Variants in SPTLC1 observed in about 807,000 individuals in gnomAD.
SPTLC1 encodes serine palmitoyltransferase long chain base subunit 1.
In SPTLC1, 55 loss-of-function variants were observed where a neutral mutation model predicts 68.9. The ratio of observed to expected loss-of-function variants is 0.80; its 90% CI spans 0.64 to 1.00. The LOEUF (loss-of-function observed/expected upper bound fraction) is 1.00. Among genes scored for constraint, SPTLC1 ranks in the 50% least tolerant of loss-of-function variants. SPTLC1 has a pLI of 0.00. For missense variants in SPTLC1, 449 were observed against 573.1 expected, an observed-to-expected ratio of 0.78 and a Z score of 2.21; for synonymous variants, 197 against 201.6, an observed-to-expected ratio of 0.98 and a Z score of 0.19.
At chr9:92,054,254 C>A (rs1008774126) in intron 8 of SPTLC1, among the ~76,000 whole-genome samples, 1 of 152,138 alleles carries the variant, frequency 6.6e-6, no homozygotes, top group Non-Finnish European at 1.5e-5. Flanking sequence ...GCACTCCAGC[C>A]TGGGCAACAT....
Position 92,114,383 on chromosome 9 carries a change from C to A in SPTLC1, c.57+931G>T, listed in dbSNP as rs183030062. ...AACACTAAGATTGACATTCTGGTTT[C>A]TTATTATCTTATGTATCTGAAATAA... On this transcript the variant is annotated intron_variant, in intron 1 of 14. Coordinates refer to ENST00000262554, the MANE Select transcript of SPTLC1 (RefSeq NM_006415.4). Among the ~76,000 whole-genome samples the A allele has an allele frequency of 3.0e-3, 455 of 152,304 alleles. 5 individuals carry two copies. Among genetic ancestry groups the A allele is most frequent in the African/African-American group, 0.011 (440 of 41,572 alleles).
intron 3 of SPTLC1, among the ~76,000 whole-genome samples, chr9:92,089,849 C>G (rs1835290923): frequency 6.6e-6 from 1 of 152,142 alleles, no homozygotes; most frequent in Non-Finnish European, 1.5e-5. Flanking sequence ...GTGAAAGCCA[C>G]TAGAAAAAAC....
chr9:92,052,690 C>T (rs10992214), intron 8 of SPTLC1, among the ~76,000 whole-genome samples: 209 of 151,954 alleles, frequency 1.4e-3, no homozygotes, highest in Non-Finnish European at 2.6e-3. Flanking sequence ...CCACCACACC[C>T]GGCTAATTTT....
chr9:92,110,050 T>G (rs1836168930), intron 2 of SPTLC1: 1 of 152,246 alleles, frequency 6.6e-6, no homozygotes, highest in Non-Finnish European at 1.5e-5. Flanking sequence ...ACTTTGTAGA[T>G]GTCGTATGAC....
At chr9:92,040,362 C>A (rs1487238223) in intron 12 of SPTLC1, among the ~76,000 whole-genome samples, 1 of 151,698 alleles carries the variant, frequency 6.6e-6, no homozygotes, top group East Asian at 1.9e-4. Context: ...AAAAGCAAGA[C>A]TCTGTCTCAA....
chr9:92,079,688 G>A (rs1435426903), intron 5 of SPTLC1: 21 of 876,950 alleles, frequency 2.4e-5, no homozygotes, highest in Admixed American at 8.6e-5. Context: ...CAGGGGTTCC[G>A]CTCTCATCAG....
chr9:92,040,021 C>T (rs1251062272), intron 12 of SPTLC1, among the ~76,000 whole-genome samples: 4 of 152,170 alleles, frequency 2.6e-5, no homozygotes, highest in Non-Finnish European at 4.4e-5. Context: ...CCATGTTAAA[C>T]GCATATATCA....
intron 3 of SPTLC1, among the ~76,000 whole-genome samples, chr9:92,089,214 C>G (rs986715912): frequency 6.6e-6 from 1 of 152,144 alleles, no homozygotes; most frequent in Non-Finnish European, 1.5e-5. Context: ...AGTTCAAGAC[C>G]AGCCTGACCA....
chr9:92,079,787 A>G, intron 5 of SPTLC1: 2 of 649,216 alleles, frequency 3.1e-6, no homozygotes, highest in Non-Finnish European at 5.5e-6. Flanking sequence ...ATCCCCACAC[A>G]TGCACACGAG....
At chr9:92,096,543 C>G (rs1207273691) in intron 3 of SPTLC1, among the ~76,000 whole-genome samples, 2 of 152,120 alleles carry the variant, frequency 1.3e-5, no homozygotes, top group African/African-American at 4.8e-5. Flanking sequence ...ATAGACCATC[C>G]TTACATTTAT....
At chr9:92,099,795 T>C (rs968906819) in intron 3 of SPTLC1, among the ~76,000 whole-genome samples, 23 of 152,300 alleles carry the variant, frequency 1.5e-4, no homozygotes, top group Non-Finnish European at 2.9e-4. Flanking sequence ...TTGTACCTTC[T>C]CTATACTTAA....
intron 3 of SPTLC1, among the ~76,000 whole-genome samples, chr9:92,095,336 G>A (rs1835492780): frequency 6.6e-6 from 1 of 152,150 alleles, no homozygotes; most frequent in Non-Finnish European, 1.5e-5. Context: ...AAATTAGGCA[G>A]GCATATATCA....
chr9:92,076,900 A>C (rs138229546), intron 5 of SPTLC1: 1 of 152,180 alleles, frequency 6.6e-6, no homozygotes, highest in Non-Finnish European at 1.5e-5. Context: ...TCTAACAGAC[A>C]TAATTCCCCG....
At chr9:92,086,827 C>T (rs1446664719) in intron 3 of SPTLC1, among the ~76,000 whole-genome samples, 1 of 152,048 alleles carries the variant, frequency 6.6e-6, no homozygotes, top group Admixed American at 6.6e-5. Context: ...GGATAATATC[C>T]TGCAGAGTGT....
At chr9:92,061,343 C>T (rs1209534678) in intron 6 of SPTLC1, among the ~76,000 whole-genome samples, 1 of 152,166 alleles carries the variant, frequency 6.6e-6, no homozygotes, top group Non-Finnish European at 1.5e-5. Context: ...AAAAGCATCA[C>T]AATGTGTTTC....
chr9:92,087,358 C>T (rs1835185088), intron 3 of SPTLC1, among the ~76,000 whole-genome samples: 2 of 152,194 alleles, frequency 1.3e-5, no homozygotes, highest in East Asian at 3.9e-4. Context: ...TCTGTTTTTT[C>T]CCCATCTTTG....
At chr9:92,110,074 C>A (rs1053704038) in intron 2 of SPTLC1, 3 of 152,200 alleles carry the variant, frequency 2.0e-5, no homozygotes, top group African/African-American at 4.8e-5. Context: ...TCCCATGTGT[C>A]TCTATCTACT....
At position 92,032,166 on chromosome 9, in the gene SPTLC1, T is replaced by C. The variant is rs1227435541; in HGVS notation, c.*299A>G. On this transcript the variant is annotated 3_prime_UTR_variant, in exon 15 of 15. Transcript: ENST00000262554. ...TAAACGACAACAAAAGAATATAAAA[T>C]ACTAGTATAAGAAAACATTTAAATA... 4 of 957,360 alleles carry C rather than the reference T, an allele frequency of 4.2e-6. No individual in the cohort carries two copies. The highest frequency in any genetic ancestry group is 2.6e-5 in the East Asian group (1 of 37,854). The allele number at this position is 957,360 out of a possible 1,614,324, so 59.3% of individuals were successfully genotyped here.
chr9:92,107,826 AAGAAT>A (rs1836062029), intron 3 of SPTLC1: 1 of 152,262 alleles, frequency 6.6e-6, no homozygotes, highest in Non-Finnish European at 1.5e-5. Flanking sequence ...TACAGAAGTA[AAGAAT>A]AGAAGCTCCT....
Sources: allele counts gnomAD v4.1 joint callset (sites outside exome capture counted in the v4.1 genomes callset), GRCh38; gene constraint gnomAD v4.1.1; transcripts MANE v1.5; gene names NCBI Gene and HGNC (gene_info 2026-07-23, HGNC 2026-07-21).